Variants in ULK4 observed in about 807,000 individuals in gnomAD.
ULK4 encodes the protein inactive serine/threonine-protein kinase ULK4.
In ULK4, 133 loss-of-function variants were observed where a neutral mutation model predicts 160.6. The observed-to-expected ratio is 0.83, with a 90% confidence interval of 0.72 to 0.96. The LOEUF (loss-of-function observed/expected upper bound fraction) is 0.96. Ranked by LOEUF, ULK4 falls within the 40% of genes least tolerant of loss-of-function variation. The pLI is 0.00. For synonymous variants in ULK4, 534 were observed against 539.8 expected, an observed-to-expected ratio of 0.99 and a Z score of 0.15; for missense variants, 1,580 against 1,499.5, an observed-to-expected ratio of 1.05 and a Z score of -0.89.
chr3:41,566,623 T>C (rs577496299), intron 31 of ULK4, among the ~76,000 whole-genome samples: 39 of 152,344 alleles, frequency 2.6e-4, no homozygotes, highest in South Asian at 1.9e-3. Context: ...ATTGTGAATT[T>C]TGCTTTCCTC....
intron 29 of ULK4, among the ~76,000 whole-genome samples, chr3:41,678,220 A>T (rs1385117878): frequency 1.3e-5 from 2 of 151,172 alleles, no homozygotes; most frequent in East Asian, 3.9e-4. Context: ...ACACACACAC[A>T]CACACAGAGC....
intron 17 of ULK4, among the ~76,000 whole-genome samples, chr3:41,839,346 A>C (rs2041846720): frequency 6.6e-6 from 1 of 151,752 alleles, no homozygotes; most frequent in African/African-American, 2.4e-5. Flanking sequence ...TCTCAAAAAA[A>C]AGAGTACATT....
chr3:41,257,344 C>T lies in ULK4; in HGVS notation c.3679-7770G>A, dbSNP rs115747318. ...TTTGGCAGTTCTTTATAAAACTAAACATACAGGCCAGACACAGTGGCTAAC... is the reference window on the plus strand; with the variant it reads ...TTTGGCAGTTCTTTATAAAACTAAATATACAGGCCAGACACAGTGGCTAAC... On this transcript the variant is annotated intron_variant, in intron 35 of 36. Coordinates refer to ENST00000301831, the MANE Select transcript of ULK4 (RefSeq NM_017886.4). Among the ~76,000 whole-genome samples, 635 of 152,160 alleles carry T rather than the reference C, an allele frequency of 4.2e-3. 10 individuals carry two copies. The highest frequency in any genetic ancestry group is 0.014 in the African/African-American group (584 of 41,498).
intron 2 of ULK4, among the ~76,000 whole-genome samples, chr3:41,953,304 A>ATATTTTTT (rs1181182812): frequency 1.6e-5 from 2 of 124,790 alleles, no homozygotes; most frequent in African/African-American, 6.2e-5. Flanking sequence ...ATATATATAT[A>ATATTTTTT]TTTTTTTTTT....
chr3:41,490,092 T>C (rs2084694352), intron 32 of ULK4, among the ~76,000 whole-genome samples: 1 of 152,190 alleles, frequency 6.6e-6, no homozygotes, highest in Admixed American at 6.5e-5. Flanking sequence ...GCTGTGTCTC[T>C]GAAATGATTC....
rs562604595 is a variant in ULK4 at position 41,915,961 on chromosome 3, G to A, written c.803+16C>T. 211 of 1,553,046 alleles carry A rather than the reference G, an allele frequency of 1.4e-4. No homozygotes were observed. The highest frequency in any genetic ancestry group is 4.5e-4 in the Admixed American group (21 of 46,794). On this transcript the variant is annotated intron_variant, in intron 8 of 36. Transcript: ENST00000301831. The stretch of plus-strand genomic sequence containing the variant: ...CTCAAAAGAAAAAGAAAAAAAGATC[G>A]AACTACTGTCCCTACCTTTTCTGAG...
Position 41,398,284 on chromosome 3 carries a change from A to G in ULK4, c.3493-20T>C. ...AGGAAGCTGAAAATTAACAAATAAG[A>G]CTATTTAAATTTCCTTGAAGACGGT... On this transcript the variant is annotated intron_variant, in intron 34 of 36. Coordinates refer to ENST00000301831, the MANE Select transcript of ULK4 (RefSeq NM_017886.4). 3.1e-6 allele frequency: 5 copies of G among 1,605,684 alleles called. No individual in the cohort carries two copies. Among genetic ancestry groups the G allele is most frequent in the Non-Finnish European group, 4.2e-6 (5 of 1,177,754 alleles).
chr3:41,864,196 T>C (rs2042566411), intron 17 of ULK4, among the ~76,000 whole-genome samples: 1 of 152,094 alleles, frequency 6.6e-6, no homozygotes, highest in African/African-American at 2.4e-5. Flanking sequence ...CAGCTGAGTT[T>C]GGTCTTGGTT....
At chr3:41,353,579 G>A (rs2080957013) in intron 35 of ULK4, among the ~76,000 whole-genome samples, 1 of 151,860 alleles carries the variant, frequency 6.6e-6, no homozygotes, top group African/African-American at 2.4e-5. Flanking sequence ...GAGGCAGGAG[G>A]ATCACCTGAG....
chr3:41,532,800 A>G (rs893854620), intron 32 of ULK4, among the ~76,000 whole-genome samples: 10 of 152,226 alleles, frequency 6.6e-5, no homozygotes, highest in African/African-American at 2.4e-4. Flanking sequence ...CAATCCCTGA[A>G]CTAGATGCAC....
intron 35 of ULK4, among the ~76,000 whole-genome samples, chr3:41,267,400 A>C (rs1157914785): frequency 6.6e-6 from 1 of 151,850 alleles, no homozygotes; most frequent in Non-Finnish European, 1.5e-5. Flanking sequence ...CATTTTCTTT[A>C]TCCGGTCTAT....
intron 34 of ULK4, among the ~76,000 whole-genome samples, chr3:41,434,592 G>A (rs1221264736): frequency 6.6e-6 from 1 of 152,028 alleles, no homozygotes; most frequent in Non-Finnish European, 1.5e-5. Flanking sequence ...AAGGACACTA[G>A]CACATAGAAT....
At chr3:41,724,468 T>C (rs902588696) in intron 22 of ULK4, among the ~76,000 whole-genome samples, 1 of 152,146 alleles carries the variant, frequency 6.6e-6, no homozygotes, top group African/African-American at 2.4e-5. Context: ...CTCACATCTG[T>C]AATCCCAGCA....
chr3:41,927,293 A>T (rs1699419934), intron 5 of ULK4, among the ~76,000 whole-genome samples: 1 of 152,204 alleles, frequency 6.6e-6, no homozygotes, highest in Non-Finnish European at 1.5e-5. Flanking sequence ...AGAAAAACAA[A>T]TGCTGAGAGA....
intron 29 of ULK4, among the ~76,000 whole-genome samples, chr3:41,669,865 T>C (rs1243120684): frequency 6.6e-6 from 1 of 152,116 alleles, no homozygotes; most frequent in Non-Finnish European, 1.5e-5. Context: ...TGTCAAGGAA[T>C]AGTGGGGACA....
intron 13 of ULK4, among the ~76,000 whole-genome samples, chr3:41,900,475 G>T (rs571529579): frequency 1.3e-5 from 2 of 152,304 alleles, no homozygotes; most frequent in South Asian, 4.1e-4. Flanking sequence ...GTAGTGAGAG[G>T]CAGCAGAGCT....
At chr3:41,804,757 T>A (rs1489759122) in intron 19 of ULK4, among the ~76,000 whole-genome samples, 1 of 151,792 alleles carries the variant, frequency 6.6e-6, no homozygotes, top group East Asian at 1.9e-4. Context: ...CCCCATTGCT[T>A]GTTTTTGTCA....
rs148912571 is a variant in ULK4, at chr3:41,667,434, A to C, written c.2979-3735T>G. Among the ~76,000 whole-genome samples the C allele has an allele frequency of 1.8e-3, 272 of 152,370 alleles. 1 individual carries two copies. The highest frequency in any genetic ancestry group is 3.1e-3 in the Non-Finnish European group (208 of 68,036). ...AATGATAGGTTTATAATGGTCAGCA[A>C]GATCTAGCCAAAAGTAGGCTGTGAT... is the stretch of plus-strand genomic sequence containing the variant. On this transcript the variant is annotated intron_variant, in intron 29 of 36. Transcript: ENST00000301831.
chr3:41,952,501 A>G (rs1700324492), intron 2 of ULK4, among the ~76,000 whole-genome samples: 1 of 152,168 alleles, frequency 6.6e-6, no homozygotes, highest in African/African-American at 2.4e-5. Context: ...GGGAAATGCA[A>G]ATCAAAACAA....
Sources: allele counts gnomAD v4.1 joint callset (sites outside exome capture counted in the v4.1 genomes callset), GRCh38; gene constraint gnomAD v4.1.1; transcripts MANE v1.5; gene names NCBI Gene and HGNC (gene_info 2026-07-23, HGNC 2026-07-21).